ERBB4: variants seen among roughly 807,000 people sequenced by gnomAD.
ERBB4 encodes receptor tyrosine-protein kinase erbB-4.
ERBB4 carries 42 observed loss-of-function variants against 158.0 expected under a neutral mutation model. The ratio of observed to expected loss-of-function variants is 0.27; its 90% confidence interval spans 0.21 to 0.34. The LOEUF (loss-of-function observed/expected upper bound fraction) is 0.34, where lower values mean the gene tolerates loss of function less well. Among genes scored for constraint, ERBB4 ranks in the 10% least tolerant of loss-of-function variants. The pLI is 1.00. For synonymous variants in ERBB4, 583 were observed against 558.7 expected (o/e 1.04, Z -0.61); for missense variants, 1,333 against 1,624.1 (o/e 0.82, Z 3.08).
intron 1 of ERBB4, among the ~76,000 whole-genome samples, chr2:212,311,061 G>T (rs77606545): frequency 2.7e-5 from 4 of 150,698 alleles, no homozygotes; most frequent in Admixed American, 6.6e-5. Context: ...AACAGATGTT[G>T]ACAGTACAAA....
At chr2:211,493,181 TAC>T (rs377115733) in intron 20 of ERBB4, among the ~76,000 whole-genome samples, 21 of 152,254 alleles carry the variant, frequency 1.4e-4, no homozygotes, top group African/African-American at 4.6e-4. Context: ...TTCAAATTTC[TAC>T]AGTTACAGCA....
chr2:211,932,276 T>G (rs1168237014), intron 3 of ERBB4, among the ~76,000 whole-genome samples: 1 of 152,046 alleles, frequency 6.6e-6, no homozygotes, highest in Non-Finnish European at 1.5e-5. Flanking sequence ...ACTTTGCCCT[T>G]CCAAAACCAT....
intron 3 of ERBB4, among the ~76,000 whole-genome samples, chr2:211,828,332 C>A (rs906031346): frequency 1.3e-5 from 2 of 151,984 alleles, no homozygotes. Context: ...CATTTTCGCA[C>A]CAGAAGAAAA....
intron 1 of ERBB4, among the ~76,000 whole-genome samples, chr2:212,212,131 TCAC>T (rs1185046043): frequency 2.6e-5 from 4 of 152,108 alleles, no homozygotes; most frequent in African/African-American, 9.7e-5. Context: ...CCTTGAGGAA[TCAC>T]CATACTGTCT....
chr2:211,433,769 T>C (rs1198454795), intron 20 of ERBB4, among the ~76,000 whole-genome samples: 1 of 152,062 alleles, frequency 6.6e-6, no homozygotes, highest in African/African-American at 2.4e-5. Flanking sequence ...ACTACATCCA[T>C]TTTTCAGATT....
chr2:211,485,597 G>A (rs991145560), intron 20 of ERBB4, among the ~76,000 whole-genome samples: 3 of 151,076 alleles, frequency 2.0e-5, no homozygotes, highest in African/African-American at 7.3e-5. Context: ...TTCTCTTTCT[G>A]TTATACATTA....
At chr2:212,202,194 G>A (rs1055576366) in intron 1 of ERBB4, among the ~76,000 whole-genome samples, 2 of 152,064 alleles carry the variant, frequency 1.3e-5, no homozygotes, top group African/African-American at 2.4e-5. Context: ...AAATGGTGGT[G>A]CGAAATTTTA....
At chr2:212,242,667 G>GA (rs2084153871) in intron 1 of ERBB4, among the ~76,000 whole-genome samples, 1 of 150,968 alleles carries the variant, frequency 6.6e-6, no homozygotes, top group Non-Finnish European at 1.5e-5. Flanking sequence ...TACCATGAGT[G>GA]AAAAAACAAA....
At position 211,404,519 on chromosome 2, in the gene ERBB4, TA is replaced by T. The variant is rs2063109522; in HGVS notation, c.3135+15921del. On this transcript the variant is annotated intron_variant, in intron 25 of 27. Coordinates refer to ENST00000342788, the MANE Select transcript of ERBB4 (RefSeq NM_005235.3). ...GTCCCTCAATTTAACCTCTAAATTA[TA>T]ATAAAATAGAAAATTTACTACTTGT... is the stretch of plus-strand genomic sequence containing the variant. 2.0e-5 allele frequency among the ~76,000 whole-genome samples: 3 copies of T among 152,160 alleles called. No individual in the cohort carries two copies. The South Asian group carries it at 6.2e-4, about 32-fold the overall frequency.
intron 1 of ERBB4, among the ~76,000 whole-genome samples, chr2:212,279,608 C>A (rs2085676298): frequency 6.6e-6 from 1 of 151,508 alleles, no homozygotes; most frequent in Non-Finnish European, 1.5e-5. Context: ...CTAACTTTGT[C>A]TTCAGATTAA....
chr2:212,526,132 T>A (rs1692434263), intron 1 of ERBB4, among the ~76,000 whole-genome samples: 1 of 152,034 alleles, frequency 6.6e-6, no homozygotes, highest in Non-Finnish European at 1.5e-5. Context: ...AAATATTGAG[T>A]GAAAGCTGTT....
intron 1 of ERBB4, among the ~76,000 whole-genome samples, chr2:212,393,991 T>C (rs2090953896): frequency 6.6e-6 from 1 of 152,146 alleles, no homozygotes; most frequent in Admixed American, 6.6e-5. Context: ...AAATTTCTAT[T>C]AGTCTGAGTT....
chr2:212,344,526 G>A (rs995840673), intron 1 of ERBB4, among the ~76,000 whole-genome samples: 1 of 151,858 alleles, frequency 6.6e-6, no homozygotes, highest in African/African-American at 2.4e-5. Context: ...ATGTATGTGT[G>A]TATATATATA....
In ERBB4 at chr2:212,412,406, T is replaced by A. The variant is rs73062319; in HGVS notation, c.82+126043A>T. Among the ~76,000 whole-genome samples the A allele has an allele frequency of 1.4e-3, 217 of 152,210 alleles. 2 individuals carry two copies. Among genetic ancestry groups the A allele is most frequent in the African/African-American group, 5.0e-3 (208 of 41,514 alleles). On this transcript the variant is annotated intron_variant, in intron 1 of 27. Transcript: ENST00000342788. ...TAATGAGTGAGTTCTCTCAAGATCCTAAAGTATGTGGTACCTCCCCACGAC... is the reference window on the plus strand; with the variant it reads ...TAATGAGTGAGTTCTCTCAAGATCCAAAAGTATGTGGTACCTCCCCACGAC...
At chr2:211,556,017 C>T (rs951826806) in intron 20 of ERBB4, among the ~76,000 whole-genome samples, 2 of 152,104 alleles carry the variant, frequency 1.3e-5, no homozygotes, top group African/African-American at 4.8e-5. Flanking sequence ...ATTAAAGGCA[C>T]AGAGTGGCAA....
Position 212,193,754 on chromosome 2 carries a change from C to T in ERBB4, c.83-68851G>A, listed in dbSNP as rs116818521. Among the ~76,000 whole-genome samples the T allele has an allele frequency of 3.6e-3, 542 of 152,066 alleles. 3 individuals carry two copies. Among genetic ancestry groups the T allele is most frequent in the African/African-American group, 0.011 (464 of 41,500 alleles). ...ATTGTCATCAATAATGGATATCTTACTTTAATCTATCAATAAAATCACCTA... is the reference window on the plus strand; with the variant it reads ...ATTGTCATCAATAATGGATATCTTATTTTAATCTATCAATAAAATCACCTA... On this transcript the variant is annotated intron_variant, in intron 1 of 27. Coordinates refer to ENST00000342788, the MANE Select transcript of ERBB4 (RefSeq NM_005235.3).
intron 1 of ERBB4, among the ~76,000 whole-genome samples, chr2:212,208,893 C>G (rs1170944296): frequency 6.6e-6 from 1 of 152,058 alleles, no homozygotes. Flanking sequence ...GACCTTTATT[C>G]TTTTTTATTC....
chr2:211,475,705 A>G (rs576465878), intron 20 of ERBB4, among the ~76,000 whole-genome samples: 1 of 152,256 alleles, frequency 6.6e-6, no homozygotes, highest in East Asian at 1.9e-4. Flanking sequence ...AAATTGGACT[A>G]GACCTAAGCA....
chr2:211,943,136 T>C (rs1159029497), intron 3 of ERBB4, among the ~76,000 whole-genome samples: 1 of 152,100 alleles, frequency 6.6e-6, no homozygotes, highest in Non-Finnish European at 1.5e-5. Flanking sequence ...ATAGATTAAA[T>C]TGTATCACAT....
Sources: allele counts gnomAD v4.1 joint callset (sites outside exome capture counted in the v4.1 genomes callset), GRCh38; gene constraint gnomAD v4.1.1; transcripts MANE v1.5; gene names NCBI Gene and HGNC (gene_info 2026-07-23, HGNC 2026-07-21).